SCNN1B: variants seen among roughly 807,000 people sequenced by gnomAD.
The protein encoded by SCNN1B is epithelial sodium channel subunit beta.
SCNN1B carries 46 observed loss-of-function variants against 65.3 expected under a neutral mutation model. The ratio of observed to expected loss-of-function variants is 0.70; its 90% CI spans 0.56 to 0.90. The LOEUF is 0.90. SCNN1B is among the 40% of genes least tolerant of loss of function. The probability of loss-of-function intolerance (pLI) is 0.00; values close to 1 mark genes in which losing one functional copy is unlikely to be tolerated. For synonymous variants in SCNN1B, 349 were observed against 330.6 expected, an observed-to-expected ratio of 1.06 and a Z score of -0.60; for missense variants, 751 against 830.5, an observed-to-expected ratio of 0.90 and a Z score of 1.18.
rs536394714 is a variant in SCNN1B at position 23,278,919 on chromosome 16, G to A, written n.110+579G>A. ...CGTACCACTGCACTCCAGCCTGGACGACAGAGTGAGAACTTGCCTCTAAAA... is the reference window on the plus strand; with the variant it reads ...CGTACCACTGCACTCCAGCCTGGACAACAGAGTGAGAACTTGCCTCTAAAA... On this transcript the variant is annotated intron_variant and non_coding_transcript_variant, in intron 1 of 3. Coordinates refer to the SCNN1B transcript ENST00000569789. 6.1e-4 allele frequency among the ~76,000 whole-genome samples: 92 copies of A among 151,608 alleles called. 3 individuals carry two copies. In the South Asian group the frequency reaches 0.018, roughly 30 times the overall value.
At chr16:23,284,704 G>A (rs1429842550) in intron 2 of SCNN1B, among the ~76,000 whole-genome samples, 1 of 152,158 alleles carries the variant, frequency 6.6e-6, no homozygotes, top group African/African-American at 2.4e-5. Flanking sequence ...GGAGAGGTGA[G>A]GACCATGTCA....
In SCNN1B at chr16:23,371,763, C is replaced by T; in HGVS notation, c.1045-13C>T. 6.2e-7 allele frequency: 1 copy of T among 1,607,786 alleles called. No homozygotes were observed. Among genetic ancestry groups the T allele is most frequent in the Non-Finnish European group, 8.5e-7 (1 of 1,174,166 alleles). The stretch of plus-strand genomic sequence containing the variant: ...TGACCAGTGTCCCCCTCAAGCAACC[C>T]CTCTAAACACAGGACAAGCTTCAGC... On this transcript the variant is annotated splice_polypyrimidine_tract_variant and intron_variant, in intron 6 of 12. Coordinates refer to ENST00000343070, the MANE Select transcript of SCNN1B (RefSeq NM_000336.3).
chr16:23,335,168 A>C (rs1483474014), intron 1 of SCNN1B, among the ~76,000 whole-genome samples: 2 of 152,226 alleles, frequency 1.3e-5, no homozygotes, highest in African/African-American at 4.8e-5. Flanking sequence ...ATATTTGCTG[A>C]CTGAATAGAT....
chr16:23,332,408 G>T (rs1459417729), intron 1 of SCNN1B, among the ~76,000 whole-genome samples: 1 of 152,042 alleles, frequency 6.6e-6, no homozygotes, highest in East Asian at 1.9e-4. Flanking sequence ...TGTTGATCAG[G>T]CTGGTCTTGA....
intron 5 of SCNN1B, among the ~76,000 whole-genome samples, chr16:23,369,404 CAG>C (rs1962737557): frequency 1.3e-5 from 2 of 152,132 alleles, no homozygotes; most frequent in Admixed American, 1.3e-4. Context: ...TAAAGAAAGA[CAG>C]AGACACACAG....
chr16:23,320,760 G>A (rs1265453648), intron 1 of SCNN1B, among the ~76,000 whole-genome samples: 1 of 152,228 alleles, frequency 6.6e-6, no homozygotes, highest in Non-Finnish European at 1.5e-5. Flanking sequence ...GTCGTGGGTA[G>A]GCCCTGGCCT....
chr16:23,374,927 T>C (rs997167846), intron 7 of SCNN1B, among the ~76,000 whole-genome samples: 1 of 152,066 alleles, frequency 6.6e-6, no homozygotes, highest in Non-Finnish European at 1.5e-5. Flanking sequence ...GTGCAGCGCT[T>C]CCTGAGCACC....
chr16:23,346,374 C>A (rs1218259151), intron 1 of SCNN1B, among the ~76,000 whole-genome samples: 1 of 151,200 alleles, frequency 6.6e-6, no homozygotes, highest in Non-Finnish European at 1.5e-5. Flanking sequence ...ATTACAAGGG[C>A]CCGCCACCAG....
At chr16:23,312,476 A>G (rs1160189282) in intron 1 of SCNN1B, among the ~76,000 whole-genome samples, 1 of 152,018 alleles carries the variant, frequency 6.6e-6, no homozygotes, top group Non-Finnish European at 1.5e-5. Flanking sequence ...TTAGCAAGCC[A>G]AGTGCACAGC....
At chr16:23,340,778 T>G (rs947711233) in intron 1 of SCNN1B, among the ~76,000 whole-genome samples, 5 of 152,232 alleles carry the variant, frequency 3.3e-5, no homozygotes, top group Admixed American at 3.3e-4. Context: ...GGTAGATCTA[T>G]CATTACATCA....
At chr16:23,322,114 A>C (rs1393149213) in intron 1 of SCNN1B, among the ~76,000 whole-genome samples, 2 of 152,140 alleles carry the variant, frequency 1.3e-5, no homozygotes, top group Non-Finnish European at 2.9e-5. Flanking sequence ...AGCCTTCCAG[A>C]TACAACAGTT....
chr16:23,300,944 A>T (rs1781951479), upstream of SCNN1B, among the ~76,000 whole-genome samples: 1 of 152,134 alleles, frequency 6.6e-6, no homozygotes, highest in African/African-American at 2.4e-5. Flanking sequence ...AGTTTCTCAT[A>T]TGGAAAGTAT....
intron 3 of SCNN1B, 66 bp downstream of exon 3, chr16:23,353,140 T>C: frequency 1.3e-6 from 2 of 1,548,378 alleles, no homozygotes; most frequent in Non-Finnish European, 1.8e-6. Flanking sequence ...GGTGTTTCTT[T>C]TCTGTAGTAA....
rs770323212 is a variant in SCNN1B at position 23,378,749 on chromosome 16, C to G, written c.1448C>G (p.Thr483Ser). 1.7e-5 allele frequency: 27 copies of G among 1,614,098 alleles called. No individual in the cohort carries two copies. The highest frequency in any genetic ancestry group is 2.3e-5 in the Non-Finnish European group (27 of 1,180,022). The change falls in exon 11 of 13, where the codon ACC (threonine) becomes AGC (serine). Residue 483 changes from threonine to serine, a missense_variant. Transcript: ENST00000343070. ...HVLSQERDQS[T>S]NITLSRKGIV... Reference sequence around the variant, plus strand: ...TTGTCTCAGGAGCGGGACCAAAGCACCAATATCACCCTGAGCAGGTGAGCC... The same window carrying G: ...TTGTCTCAGGAGCGGGACCAAAGCAGCAATATCACCCTGAGCAGGTGAGCC...
chr16:23,334,014 G>A (rs1277903087), intron 1 of SCNN1B, among the ~76,000 whole-genome samples: 2 of 152,248 alleles, frequency 1.3e-5, no homozygotes, highest in Non-Finnish European at 2.9e-5. Flanking sequence ...GTGCTTGCCT[G>A]CGATGTGGAT....
At chr16:23,352,450 G>A (rs951987023) in intron 2 of SCNN1B, among the ~76,000 whole-genome samples, 6 of 152,204 alleles carry the variant, frequency 3.9e-5, no homozygotes, top group Admixed American at 1.3e-4. Flanking sequence ...TCATACGGGC[G>A]GCTTTCCGCA....
At chr16:23,361,715 G>A (rs1962556706) in intron 4 of SCNN1B, among the ~76,000 whole-genome samples, 1 of 152,090 alleles carries the variant, frequency 6.6e-6, no homozygotes, top group Non-Finnish European at 1.5e-5. Context: ...CTACTTTCTG[G>A]CACTACAGGA....
intron 1 of SCNN1B, among the ~76,000 whole-genome samples, chr16:23,317,831 G>T (rs1192717481): frequency 1.3e-5 from 2 of 152,234 alleles, no homozygotes; most frequent in Non-Finnish European, 2.9e-5. Flanking sequence ...TGCCTGTGGG[G>T]TATGTGTGCT....
At chr16:23,315,597 A>G (rs1961436925) in intron 1 of SCNN1B, among the ~76,000 whole-genome samples, 1 of 152,148 alleles carries the variant, frequency 6.6e-6, no homozygotes, top group Admixed American at 6.5e-5. Context: ...TGAGCCCAGG[A>G]GTTTGAGACC....
Sources: gnomAD v4.1 joint callset for allele counts (sites outside exome capture counted in the v4.1 genomes callset) on GRCh38, gnomAD v4.1.1 for gene constraint, MANE v1.5 for transcripts, NCBI Gene and HGNC (gene_info 2026-07-23, HGNC 2026-07-21) for gene names.